The following OR51B5 variants were observed in gnomAD, a reference collection of about 807,000 sequenced individuals.
The protein encoded by OR51B5 is olfactory receptor 51B5.
For missense variants in OR51B5, 456 were observed against 374.6 expected (o/e 1.22, Z -1.79); for synonymous variants, 186 against 144.8 (o/e 1.28, Z -2.04).
chr11:5,418,774 T>C (rs939731481), intron 1 of OR51B5, among the ~76,000 whole-genome samples: 1 of 151,588 alleles, frequency 6.6e-6, no homozygotes, highest in Admixed American at 6.6e-5. Flanking sequence ...AAATACCTAA[T>C]GTAGGTGACG....
chr11:5,341,865 T>A (rs1224643464), downstream of OR51B5, among the ~76,000 whole-genome samples: 1 of 152,110 alleles, frequency 6.6e-6, no homozygotes, highest in Non-Finnish European at 1.5e-5. Flanking sequence ...GAGAGCAAGA[T>A]AGAAGGAGGT....
intron 1 of OR51B5, among the ~76,000 whole-genome samples, chr11:5,373,131 T>C (rs768997502): frequency 2.0e-5 from 3 of 152,090 alleles, no homozygotes; most frequent in African/African-American, 4.8e-5. Flanking sequence ...AAGAATAAAA[T>C]TGGACCTTTA....
chr11:5,388,071 G>A (rs1470634329), intron 1 of OR51B5, among the ~76,000 whole-genome samples: 1 of 151,860 alleles, frequency 6.6e-6, no homozygotes, highest in Non-Finnish European at 1.5e-5. Flanking sequence ...ATTTCAATAT[G>A]TATTTATTGA....
intron 1 of OR51B5, chr11:5,423,202 G>A: frequency 6.7e-7 from 1 of 1,483,200 alleles, no homozygotes; most frequent in Non-Finnish European, 9.0e-7. Flanking sequence ...ATAGGCTTAA[G>A]GGGGGAATAT....
chr11:5,357,334 T>C (rs1407479099), intron 1 of OR51B5, among the ~76,000 whole-genome samples: 1 of 151,028 alleles, frequency 6.6e-6, no homozygotes, highest in African/African-American at 2.4e-5. Flanking sequence ...TCCTCATCTC[T>C]GATAAAACAG....
intron 1 of OR51B5, among the ~76,000 whole-genome samples, chr11:5,474,826 G>A (rs777963352): frequency 3.9e-5 from 6 of 152,176 alleles, no homozygotes; most frequent in Non-Finnish European, 7.4e-5. Context: ...ATCTCACAGT[G>A]ATCAGGACAA....
chr11:5,462,953 TG>T (rs1227798823), intron 1 of OR51B5, among the ~76,000 whole-genome samples: 2 of 152,180 alleles, frequency 1.3e-5, no homozygotes, highest in Non-Finnish European at 2.9e-5. Context: ...ATCAAGAATC[TG>T]TTCCAAAAAA....
At chr11:5,452,627 C>A (rs868036963) in intron 1 of OR51B5, among the ~76,000 whole-genome samples, 1 of 145,722 alleles carries the variant, frequency 6.9e-6, no homozygotes, top group Admixed American at 7.1e-5. Context: ...TGTGAATGAG[C>A]GTCTTCTTAG....
chr11:5,475,511 T>A (rs957498017), intron 1 of OR51B5, among the ~76,000 whole-genome samples: 1 of 152,184 alleles, frequency 6.6e-6, no homozygotes, highest in African/African-American at 2.4e-5. Flanking sequence ...ATATTAAATA[T>A]TATTTAAATA....
At chr11:5,497,050 A>T (rs879454509) in intron 1 of OR51B5, among the ~76,000 whole-genome samples, 1,556 of 140,474 alleles carry the variant, frequency 0.011, 13 homozygotes, top group South Asian at 0.021. Context: ...TTTAAAAAAA[A>T]AAAAAAAAAA....
intron 1 of OR51B5, among the ~76,000 whole-genome samples, chr11:5,365,700 A>G (rs1259205446): frequency 1.3e-5 from 2 of 152,210 alleles, no homozygotes; most frequent in African/African-American, 4.8e-5. Flanking sequence ...TATTCAACCC[A>G]AACTGATACA....
At chr11:5,502,951 G>C (rs1846317120) in intron 1 of OR51B5, among the ~76,000 whole-genome samples, 1 of 152,114 alleles carries the variant, frequency 6.6e-6, no homozygotes, top group African/African-American at 2.4e-5. Flanking sequence ...CATACAATAT[G>C]TGCAGGAAAT....
intron 1 of OR51B5, among the ~76,000 whole-genome samples, chr11:5,359,207 C>T (rs1170072853): frequency 6.6e-6 from 1 of 150,860 alleles, no homozygotes; most frequent in Non-Finnish European, 1.5e-5. Context: ...CAAATTGTCC[C>T]TGTTTGCAGA....
exon 1 of OR51B5, chr11:5,342,907 C>A (rs765470838): frequency 6.2e-7 from 1 of 1,613,714 alleles, no homozygotes; most frequent in Non-Finnish European, 8.5e-7. Flanking sequence ...GATAATCCAG[C>A]ACAAATATAA....
At chr11:5,495,590 A>G (rs2133817648) in intron 1 of OR51B5, among the ~76,000 whole-genome samples, 1 of 152,344 alleles carries the variant, frequency 6.6e-6, no homozygotes, top group East Asian at 1.9e-4. Flanking sequence ...TAGTAGATAC[A>G]CAGAAGACAA....
intron 1 of OR51B5, among the ~76,000 whole-genome samples, chr11:5,504,394 G>C (rs1307141006): frequency 6.6e-6 from 1 of 152,086 alleles, no homozygotes; most frequent in Non-Finnish European, 1.5e-5. Flanking sequence ...CTTTGGAAAG[G>C]GCCATGCAGT....
At chr11:5,381,685 T>G (rs1849610918) in intron 1 of OR51B5, among the ~76,000 whole-genome samples, 1 of 152,180 alleles carries the variant, frequency 6.6e-6, no homozygotes, top group South Asian at 2.1e-4. Flanking sequence ...TTTAATGTAA[T>G]TTCAGTCACA....
intron 1 of OR51B5, among the ~76,000 whole-genome samples, chr11:5,365,198 T>A (rs1390547407): frequency 6.6e-6 from 1 of 152,192 alleles, no homozygotes; most frequent in Non-Finnish European, 1.5e-5. Context: ...CTGGCAACTG[T>A]GTTTAAAATA....
intron 1 of OR51B5, among the ~76,000 whole-genome samples, chr11:5,410,819 T>C (rs903238095): frequency 2.0e-5 from 3 of 152,136 alleles, no homozygotes; most frequent in Non-Finnish European, 4.4e-5. Context: ...CATGTCTTAA[T>C]TTTTAACAAA....
Sources: gnomAD v4.1 joint callset for allele counts (sites outside exome capture counted in the v4.1 genomes callset) on GRCh38, gnomAD v4.1.1 for gene constraint, MANE v1.5 for transcripts, NCBI Gene and HGNC (gene_info 2026-07-23, HGNC 2026-07-21) for gene names.